Variants in ANXA8 observed in about 807,000 individuals in gnomAD.
The protein encoded by ANXA8 is annexin A8, also known as VAC-beta.
A neutral mutation model predicts 26.8 loss-of-function variants in ANXA8; 9 were observed. The ratio of observed to expected loss-of-function variants is 0.34; its 90% CI spans 0.20 to 0.59. ANXA8 has a LOEUF of 0.59. Among genes scored for constraint, ANXA8 ranks in the 20% least tolerant of loss-of-function variants. The pLI is 0.84. For missense variants in ANXA8, 83 were observed against 238.5 expected (o/e 0.35, Z 4.29); for synonymous variants, 39 against 94.8 (o/e 0.41, Z 3.42).
chr10:47,576,785 G>T, the ANXA8 span, among the ~76,000 whole-genome samples: 1 of 150,402 alleles, frequency 6.6e-6, no homozygotes. Flanking sequence ...CTCCCAAAGT[G>T]CAGGATTACA....
the ANXA8 span, among the ~76,000 whole-genome samples, chr10:47,959,202 A>C: frequency 6.8e-6 from 1 of 146,690 alleles, no homozygotes. Context: ...CTGGAAAAGG[A>C]GGCCTAGGGA....
At chr10:47,566,041 C>G in the ANXA8 span, 1 of 839,200 alleles carries the variant, frequency 1.2e-6, no homozygotes, top group Non-Finnish European at 1.6e-6. Context: ...GCCCTCGGCT[C>G]CGCCGCCCGC....
chr10:47,755,260 C>CTT, the ANXA8 span, among the ~76,000 whole-genome samples: 27 of 140,178 alleles, frequency 1.9e-4, no homozygotes, highest in African/African-American at 4.7e-4. Flanking sequence ...CAGCCAACCT[C>CTT]TTTTTTTTTT....
the ANXA8 span, among the ~76,000 whole-genome samples, chr10:47,643,569 T>A: frequency 8.1e-5 from 12 of 148,494 alleles, no homozygotes; most frequent in South Asian, 4.2e-4. Context: ...TAAAACTTTT[T>A]AAAAAGTCAT....
At chr10:47,956,977 T>C in the ANXA8 span, among the ~76,000 whole-genome samples, 44,062 of 143,340 alleles carry the variant, frequency 0.31, 3,481 homozygotes, top group South Asian at 0.42. Context: ...TACTTCTCCA[T>C]CTTTCCAAAG....
At chr10:47,652,602 A>C in the ANXA8 span, among the ~76,000 whole-genome samples, 2 of 149,860 alleles carry the variant, frequency 1.3e-5, no homozygotes, top group South Asian at 4.2e-4. Context: ...CTTGAAAAAA[A>C]AAAGATAAAT....
the ANXA8 span, among the ~76,000 whole-genome samples, chr10:47,896,974 A>G: frequency 2.1e-5 from 3 of 143,756 alleles, no homozygotes; most frequent in Non-Finnish European, 3.0e-5. Context: ...TCTGGCGCCC[A>G]GGCTGGAGTT....
the ANXA8 span, among the ~76,000 whole-genome samples, chr10:47,705,624 T>C: frequency 2.0e-5 from 3 of 149,310 alleles, no homozygotes; most frequent in Non-Finnish European, 4.5e-5. Context: ...GTGAAAAATC[T>C]TGAACTAATT....
chr10:47,650,833 G>A, the ANXA8 span, among the ~76,000 whole-genome samples: 1 of 147,930 alleles, frequency 6.8e-6, no homozygotes, highest in East Asian at 2.0e-4. Flanking sequence ...CAAAGAATTT[G>A]AAGAGATATT....
the ANXA8 span, among the ~76,000 whole-genome samples, chr10:47,671,281 G>T: frequency 4.6e-5 from 7 of 151,740 alleles, no homozygotes; most frequent in East Asian, 1.2e-3. Context: ...AATTAACCGG[G>T]CTTGGTGGTG....
chr10:47,945,046 G>C, the ANXA8 span, among the ~76,000 whole-genome samples: 5 of 150,632 alleles, frequency 3.3e-5, no homozygotes, highest in East Asian at 1.0e-3. Context: ...CTCCCAGCTA[G>C]CCTGGAGTGG....
At chr10:47,669,346 CT>C in the ANXA8 span, among the ~76,000 whole-genome samples, 1 of 150,676 alleles carries the variant, frequency 6.6e-6, no homozygotes, top group Non-Finnish European at 1.5e-5. Context: ...TTCCATACTG[CT>C]GGTTTCTTGG....
the ANXA8 span, among the ~76,000 whole-genome samples, chr10:47,618,200 T>C: frequency 9.1e-6 from 1 of 109,292 alleles, no homozygotes; most frequent in Middle Eastern, 4.3e-3. Flanking sequence ...CCCTTGTGTT[T>C]AATGTTCATG....
chr10:47,584,150 G>T, the ANXA8 span, among the ~76,000 whole-genome samples: 1 of 149,522 alleles, frequency 6.7e-6, no homozygotes, highest in Non-Finnish European at 1.5e-5. Flanking sequence ...CTGCACTCCA[G>T]CCTGGGCGAG....
the ANXA8 span, among the ~76,000 whole-genome samples, chr10:47,955,284 T>C: frequency 6.6e-6 from 1 of 150,920 alleles, no homozygotes; most frequent in Non-Finnish European, 1.5e-5. Flanking sequence ...TTTTTTTTTT[T>C]TTTTGTAAAT....
chr10:47,628,890 T>A, the ANXA8 span, among the ~76,000 whole-genome samples: 1 of 143,726 alleles, frequency 7.0e-6, no homozygotes, highest in Non-Finnish European at 1.5e-5. Context: ...TTTATCTAAT[T>A]AGATTTGCAT....
chr10:47,582,129 C>T, the ANXA8 span: 1 of 150,992 alleles, frequency 6.6e-6, no homozygotes, highest in South Asian at 2.1e-4. Context: ...CACTCTCTGG[C>T]CATATGATCC....
At chr10:47,607,396 T>C in the ANXA8 span, among the ~76,000 whole-genome samples, 1 of 149,026 alleles carries the variant, frequency 6.7e-6, no homozygotes, top group Non-Finnish European at 1.5e-5. Context: ...ACAGTATCAC[T>C]GTTCATCCAG....
At chr10:47,696,212 T>G in the ANXA8 span, among the ~76,000 whole-genome samples, 1 of 151,866 alleles carries the variant, frequency 6.6e-6, no homozygotes, top group Non-Finnish European at 1.5e-5. Flanking sequence ...AGCAATTTTG[T>G]TAATTTACCT....
Sources: gnomAD v4.1 joint callset for allele counts (sites outside exome capture counted in the v4.1 genomes callset) on GRCh38, gnomAD v4.1.1 for gene constraint, MANE v1.5 for transcripts, NCBI Gene and HGNC (gene_info 2026-07-23, HGNC 2026-07-21) for gene names.